Variants in SCAI observed in about 807,000 individuals in gnomAD.
The protein encoded by SCAI is suppressor of cancer cell invasion.
SCAI carries 24 observed loss-of-function variants against 92.2 expected under a neutral mutation model. That is an observed-to-expected ratio of 0.26 (90% confidence interval 0.19 to 0.37). The LOEUF is 0.37. Ranked by LOEUF, SCAI falls within the 10% of genes least tolerant of loss-of-function variation. The pLI is 1.00. For missense variants in SCAI, 450 were observed against 736.2 expected, an observed-to-expected ratio of 0.61 and a Z score of 4.50; for synonymous variants, 261 against 258.6, an observed-to-expected ratio of 1.01 and a Z score of -0.09.
Position 124,952,624 on chromosome 9 carries a change from AG to A in SCAI, c.*182del. The A allele has an allele frequency of 2.0e-6, 1 of 496,760 alleles. No homozygotes were observed. The highest frequency in any genetic ancestry group is 3.5e-6 in the Non-Finnish European group (1 of 288,388). 30.8% of individuals were successfully genotyped at this position (496,760 alleles called of 1,614,324 possible). A position where few individuals can be genotyped will look rare whatever the true frequency, so the allele number is the denominator to read the frequency against. Reference sequence around the variant, plus strand: ...AGGTTAAGATTTTAAAAGACCTGAAAGGTTGCATTTTAAAACAGTTACCCTA... The same window carrying A: ...AGGTTAAGATTTTAAAAGACCTGAAAGTTGCATTTTAAAACAGTTACCCTA... On this transcript the variant is annotated 3_prime_UTR_variant, in exon 18 of 18. Transcript: ENST00000336505.
At chr9:124,958,233 T>C (rs562032118) in intron 17 of SCAI, among the ~76,000 whole-genome samples, 1 of 152,282 alleles carries the variant, frequency 6.6e-6, no homozygotes, top group East Asian at 1.9e-4. Flanking sequence ...ATGCTAAAAT[T>C]TATATAGACG....
At chr9:125,083,079 G>A (rs1368001159) in intron 2 of SCAI, among the ~76,000 whole-genome samples, 1 of 152,138 alleles carries the variant, frequency 6.6e-6, no homozygotes, top group African/African-American at 2.4e-5. Flanking sequence ...GTTGTGGGAG[G>A]GACCCGGATG....
At chr9:124,988,503 A>C (rs970098938) in intron 14 of SCAI, among the ~76,000 whole-genome samples, 7 of 152,138 alleles carry the variant, frequency 4.6e-5, no homozygotes, top group Admixed American at 2.6e-4. Context: ...AACCCAAAAT[A>C]ATTATATATA....
At chr9:124,976,219 A>G in intron 14 of SCAI, 33 bp from the exon 15 acceptor site, 1 of 1,424,240 alleles carries the variant, frequency 7.0e-7, no homozygotes. Flanking sequence ...ACTTGCATTA[A>G]AGATTTGACC....
chr9:125,053,954 T>G (rs906189287), intron 3 of SCAI, among the ~76,000 whole-genome samples: 1 of 152,166 alleles, frequency 6.6e-6, no homozygotes, highest in African/African-American at 2.4e-5. Context: ...TTCCTACCTT[T>G]AAATCTATAA....
In SCAI at chr9:125,004,757, ATATATATATATATATATATATATTTTTTT is replaced by A. The variant is rs1426977764; in HGVS notation, c.862-1216_862-1188del. Among the ~76,000 whole-genome samples the A allele has an allele frequency of 3.2e-3, 27 of 8,324 alleles. 1 individual carries two copies. The highest frequency in any genetic ancestry group is 0.017 in the Admixed American group (13 of 780). 5.5% of individuals were successfully genotyped at this position (8,324 alleles called of 152,430 possible). A position where few individuals can be genotyped will look rare whatever the true frequency, so the allele number is the denominator to read the frequency against. The stretch of plus-strand genomic sequence containing the variant: ...TCCATATATATATATATATATATAT[ATATATATATATATATATATATATTTTTTT>A]TTTTTTTTTTTTTTTTTTTGAGATG... On this transcript the variant is annotated intron_variant, in intron 9 of 17. Transcript: ENST00000336505.
At position 125,009,099 on chromosome 9, in the gene SCAI, T is replaced by C. The variant is rs772107806; in HGVS notation, c.862-5529A>G. ...TCAAACTCAAGTTGGAGATGTGCAATATACTGTCAGTAAGAGTTAAAAAAG... is the reference window on the plus strand; with the variant it reads ...TCAAACTCAAGTTGGAGATGTGCAACATACTGTCAGTAAGAGTTAAAAAAG... On this transcript the variant is annotated intron_variant, in intron 9 of 17. Coordinates refer to ENST00000336505, the MANE Select transcript of SCAI (RefSeq NM_001144877.3). Among the ~76,000 whole-genome samples the C allele has an allele frequency of 5.3e-5, 8 of 152,004 alleles. No individual in the cohort carries two copies. In the South Asian group the frequency reaches 6.2e-4, roughly 12 times the overall value.
intron 17 of SCAI, chr9:124,968,748 TG>T: frequency 8.2e-7 from 1 of 1,225,562 alleles, no homozygotes; most frequent in Non-Finnish European, 1.2e-6. Flanking sequence ...GTTGAGGCCA[TG>T]GAGGTTCAAA....
intron 17 of SCAI, among the ~76,000 whole-genome samples, chr9:124,959,541 TA>T (rs1351927645): frequency 5.4e-5 from 8 of 149,234 alleles, no homozygotes; most frequent in Non-Finnish European, 1.2e-4. Context: ...TACACACATA[TA>T]TATATATATA....
At chr9:124,956,489 GATTA>G (rs1339663527) in intron 17 of SCAI, among the ~76,000 whole-genome samples, 1 of 152,150 alleles carries the variant, frequency 6.6e-6, no homozygotes, top group Admixed American at 6.5e-5. Context: ...AAAGTGCTGG[GATTA>G]CAGGCGTGAG....
chr9:125,000,917 T>TG (rs1344892869), intron 12 of SCAI, among the ~76,000 whole-genome samples: 2 of 152,170 alleles, frequency 1.3e-5, no homozygotes, highest in Admixed American at 1.3e-4. Flanking sequence ...AACTGTGGGA[T>TG]GTTCAGATAA....
intron 17 of SCAI, among the ~76,000 whole-genome samples, chr9:124,959,629 C>T (rs929918278): frequency 6.6e-6 from 1 of 151,580 alleles, no homozygotes; most frequent in African/African-American, 2.4e-5. Context: ...TGGTGTGCTG[C>T]ACCCATTAAC....
chr9:125,126,564 G>GTGGGTGTGTA, intron 2 of SCAI, among the ~76,000 whole-genome samples: 1 of 140,440 alleles, frequency 7.1e-6, no homozygotes, highest in African/African-American at 2.7e-5. Context: ...GTGGGTGGGT[G>GTGGGTGTGTA]TGGGTGTGTG....
chr9:125,042,198 G>C (rs1341558006), intron 3 of SCAI, among the ~76,000 whole-genome samples: 4 of 152,086 alleles, frequency 2.6e-5, no homozygotes, highest in Admixed American at 2.6e-4. Flanking sequence ...TTTTTTCCAA[G>C]ATTTTGGAGG....
intron 5 of SCAI, 84 bp downstream of exon 5, chr9:125,028,308 A>C: frequency 4.1e-6 from 3 of 730,944 alleles, no homozygotes; most frequent in Non-Finnish European, 6.9e-6. Flanking sequence ...CATGCCTAGC[A>C]ATGAGTATAC....
chr9:125,135,708 G>A (rs778784990), intron 2 of SCAI, among the ~76,000 whole-genome samples: 14 of 151,980 alleles, frequency 9.2e-5, no homozygotes, highest in African/African-American at 1.2e-4. Flanking sequence ...GGTGGCTCAT[G>A]CCTGTAATCC....
intron 17 of SCAI, among the ~76,000 whole-genome samples, chr9:124,957,438 T>C (rs1283584429): frequency 8.0e-5 from 12 of 150,194 alleles, no homozygotes; most frequent in Non-Finnish European, 4.4e-5. Context: ...TCTCGGCTCA[T>C]TGCAACCTCC....
intron 2 of SCAI, among the ~76,000 whole-genome samples, chr9:125,113,554 T>A (rs1834971699): frequency 6.6e-6 from 1 of 152,070 alleles, no homozygotes; most frequent in South Asian, 2.1e-4. Context: ...AGTTAAAAAT[T>A]TTAAAAAGTA....
chr9:125,117,759 G>A (rs528136001), intron 2 of SCAI, among the ~76,000 whole-genome samples: 1 of 149,918 alleles, frequency 6.7e-6, no homozygotes, highest in African/African-American at 2.4e-5. Context: ...TTTATTTTAT[G>A]GGACTTCAAT....
Sources: gnomAD v4.1 joint callset for allele counts (sites outside exome capture counted in the v4.1 genomes callset) on GRCh38, gnomAD v4.1.1 for gene constraint, MANE v1.5 for transcripts, NCBI Gene and HGNC (gene_info 2026-07-23, HGNC 2026-07-21) for gene names.